OR4M1: variants seen among roughly 807,000 people sequenced by gnomAD.
OR4M1 encodes the protein olfactory receptor family 4 subfamily M member 1.
A neutral mutation model predicts 9.8 loss-of-function variants in OR4M1; 7 were observed. The ratio of observed to expected loss-of-function variants is 0.71; its 90% confidence interval spans 0.41 to 1.34. The LOEUF (loss-of-function observed/expected upper bound fraction) is 1.34, where lower values mean the gene tolerates loss of function less well. Among genes scored for constraint, OR4M1 ranks in the 40% most tolerant of loss-of-function variants. OR4M1 has a pLI of 0.01. For synonymous variants in OR4M1, 121 were observed against 139.8 expected (o/e 0.87, Z 0.95); for missense variants, 331 against 380.4 (o/e 0.87, Z 1.08).
intron 1 of OR4M1, among the ~76,000 whole-genome samples, chr14:19,776,843 CAA>C (rs1878322945): frequency 1.3e-5 from 2 of 151,938 alleles, no homozygotes; most frequent in African/African-American, 4.8e-5. Context: ...GATAGGAAAA[CAA>C]TATTTTTAAA....
In OR4M1 at chr14:19,782,644, C is replaced by A. The variant is rs979452367; in HGVS notation, c.*1380C>A. 4.6e-5 allele frequency: 7 copies of A among 152,210 alleles called. No individual in the cohort carries two copies. Among genetic ancestry groups the A allele is most frequent in the Admixed American group, 2.0e-4 (3 of 15,288 alleles). 9.4% of individuals were successfully genotyped at this position (152,210 alleles called of 1,614,324 possible). ...GGATGCACAGGATGGAATGGTGGTA[C>A]ACAAAGCTTGTTTTTTGCTTTGGGA... On this transcript the variant is annotated 3_prime_UTR_variant, in exon 2 of 2. Transcript: ENST00000641200.
intron 1 of OR4M1, among the ~76,000 whole-genome samples, chr14:19,774,962 G>T (rs1294828389): frequency 6.6e-6 from 1 of 152,082 alleles, no homozygotes; most frequent in Non-Finnish European, 1.5e-5. Flanking sequence ...TTGGCCAAGG[G>T]CACCCCAGAG....
intron 1 of OR4M1, among the ~76,000 whole-genome samples, chr14:19,777,176 GA>G (rs1296755169): frequency 1.3e-5 from 2 of 151,372 alleles, no homozygotes; most frequent in African/African-American, 4.8e-5. Context: ...CATATTGAAA[GA>G]AAATTGGAAA....
rs150864381 is a variant in OR4M1 at position 19,777,819 on chromosome 14, T to C, written c.-29-2475T>C. ...CATTTATGGTATTTTAGGTAATGGT[T>C]ATGTTAATGTAGGGAAACTAGGTGT... is the stretch of plus-strand genomic sequence containing the variant. On this transcript the variant is annotated intron_variant, in intron 1 of 1. Transcript: ENST00000641200. 6.0e-4 allele frequency among the ~76,000 whole-genome samples: 92 copies of C among 152,280 alleles called. No individual in the cohort carries two copies. In the East Asian group the frequency reaches 0.015, roughly 26 times the overall value.
In OR4M1 at chr14:19,782,864, T is replaced by A. The variant is rs1366150986; in HGVS notation, c.*1600T>A. On this transcript the variant is annotated 3_prime_UTR_variant, in exon 2 of 2. Transcript: ENST00000641200. ...AAATATAAAGTACAAAAGATATATA[T>A]ATATAATATGATAAAATGATGAGTT... is the stretch of plus-strand genomic sequence containing the variant. The A allele has an allele frequency of 1.3e-5, 2 of 152,034 alleles. No homozygotes were observed. The highest frequency in any genetic ancestry group is 4.8e-5 in the African/African-American group (2 of 41,450). The allele number at this position is 152,034 out of a possible 1,614,324, so 9.4% of individuals were successfully genotyped here. A position where few individuals can be genotyped will look rare whatever the true frequency, so the allele number is the denominator to read the frequency against.
At chr14:19,775,323 G>A (rs1300313027) in intron 1 of OR4M1, among the ~76,000 whole-genome samples, 4 of 152,120 alleles carry the variant, frequency 2.6e-5, no homozygotes, top group Non-Finnish European at 5.9e-5. Context: ...ACCTCACTCA[G>A]TATATATTCC....
chr14:19,780,959 G>A lies in OR4M1; in HGVS notation c.637G>A (p.Ala213Thr), dbSNP rs750602662. ...TCTGATCTCTGTGGTGTGTTTCATT[G>A]CTCTGTTAATGTCCTATGCCTTCCT... is the stretch of plus-strand genomic sequence containing the variant. ...SGLISVVCFIALLMSYAFLLA... is the reference protein window; with the variant it reads ...SGLISVVCFITLLMSYAFLLA... The change falls in exon 2 of 2, where the codon GCT (alanine) becomes ACT (threonine). Residue 213 changes from alanine to threonine, a missense_variant. Physicochemically the swap from Ala to Thr is moderately conservative, Grantham distance 58. Coordinates refer to ENST00000641200, the MANE Select transcript of OR4M1 (RefSeq NM_001005500.2). The A allele has an allele frequency of 6.2e-7, 1 of 1,614,204 alleles. No homozygotes were observed. Among genetic ancestry groups the A allele is most frequent in the South Asian group, 1.1e-5 (1 of 91,086 alleles).
At chr14:19,773,804 C>A (rs1462724168) in intron 1 of OR4M1, among the ~76,000 whole-genome samples, 1 of 152,200 alleles carries the variant, frequency 6.6e-6, no homozygotes, top group Non-Finnish European at 1.5e-5. Context: ...TTCTTCTCGG[C>A]CTTGATCTCA....
Position 19,780,302 on chromosome 14 carries a change from T to C in OR4M1, c.-21T>C. The C allele has an allele frequency of 1.3e-6, 2 of 1,584,560 alleles. No homozygotes were observed. The highest frequency in any genetic ancestry group is 1.7e-6 in the Non-Finnish European group (2 of 1,166,624). On this transcript the variant is annotated 5_prime_UTR_variant, in exon 2 of 2. It removes an upstream start codon present in the reference 5' UTR. Transcript: ENST00000641200. ...TTCTTTAATTTTCATAGTTATATTA[T>C]GAAAAGAGTAAATTGAAGAAATGGA...
chr14:19,779,077 T>C (rs867965310), intron 1 of OR4M1, among the ~76,000 whole-genome samples: 6 of 152,200 alleles, frequency 3.9e-5, no homozygotes, highest in Non-Finnish European at 7.3e-5. Flanking sequence ...ACAATGCTTC[T>C]ATAAGATACT....
At chr14:19,773,858 G>C (rs10144387) in intron 1 of OR4M1, among the ~76,000 whole-genome samples, 941 of 152,118 alleles carry the variant, frequency 6.2e-3, no homozygotes, top group African/African-American at 0.022. Flanking sequence ...GGGCATTGAA[G>C]AGACAGCTTG....
At chr14:19,777,313 C>T (rs908187600) in intron 1 of OR4M1, among the ~76,000 whole-genome samples, 17 of 151,818 alleles carry the variant, frequency 1.1e-4, no homozygotes, top group African/African-American at 4.1e-4. Flanking sequence ...AAGGCCTTTT[C>T]ATTTACTATT....
In OR4M1 at chr14:19,781,295, G is replaced by A. The variant is rs752310594; in HGVS notation, c.*31G>A. 14 of 1,524,414 alleles carry A rather than the reference G, an allele frequency of 9.2e-6. No homozygotes were observed. The East Asian group carries it at 2.3e-4, about 25-fold the overall frequency. The allele number at this position is 1,524,414 out of a possible 1,614,324, so 94.4% of individuals were successfully genotyped here. A position where few individuals can be genotyped will look rare whatever the true frequency, so the allele number is the denominator to read the frequency against. ...AAATTATACATTTTATAGTCCTCCT[G>A]AGGATCATTGTCCTAAAGCAGGAAG... On this transcript the variant is annotated 3_prime_UTR_variant, in exon 2 of 2. Coordinates refer to ENST00000641200, the MANE Select transcript of OR4M1 (RefSeq NM_001005500.2).
At position 19,783,079 on chromosome 14, in the gene OR4M1, G is replaced by A. The variant is rs1277708140; in HGVS notation, c.*1815G>A. On this transcript the variant is annotated 3_prime_UTR_variant, in exon 2 of 2. Coordinates refer to ENST00000641200, the MANE Select transcript of OR4M1 (RefSeq NM_001005500.2). ...AAGGATATTTACTGAAAATACTGAA[G>A]CTAGTAATACAAAGGAAAAAGGCAT... 6.6e-6 allele frequency: 1 copy of A among 152,236 alleles called. No homozygotes were observed. 9.4% of individuals were successfully genotyped at this position (152,236 alleles called of 1,614,324 possible).
In OR4M1 at chr14:19,781,405, C is replaced by T. The variant is rs1302192391; in HGVS notation, c.*141C>T. On this transcript the variant is annotated 3_prime_UTR_variant, in exon 2 of 2. Coordinates refer to ENST00000641200, the MANE Select transcript of OR4M1 (RefSeq NM_001005500.2). ...CTATAATTTTTCTCTATTAATTCCT[C>T]TTTATATTGAAAAAATAGAGGCATT... 1 of 814,374 alleles carries T rather than the reference C, an allele frequency of 1.2e-6. No homozygotes were observed. The highest frequency in any genetic ancestry group is 1.9e-6 in the Non-Finnish European group (1 of 538,410). The allele number at this position is 814,374 out of a possible 1,614,324, so 50.4% of individuals were successfully genotyped here.
intron 1 of OR4M1, among the ~76,000 whole-genome samples, chr14:19,777,788 T>C (rs1336186485): frequency 2.6e-5 from 4 of 152,326 alleles, no homozygotes; most frequent in Admixed American, 1.3e-4. Context: ...ATAGGAATTG[T>C]TGCATCATTT....
rs1248216133 is a variant in OR4M1, at chr14:19,782,760, G to A, written c.*1496G>A. 3.3e-5 allele frequency: 5 copies of A among 152,174 alleles called. No homozygotes were observed. Among genetic ancestry groups the A allele is most frequent in the African/African-American group, 1.2e-4 (5 of 41,432 alleles). The allele number at this position is 152,174 out of a possible 1,614,324, so 9.4% of individuals were successfully genotyped here. A position where few individuals can be genotyped will look rare whatever the true frequency, so the allele number is the denominator to read the frequency against. ...GGCATGGATTGATGTTATGAGTCCT[G>A]ATTTTTGAGTTGACTTCTCATCACC... On this transcript the variant is annotated 3_prime_UTR_variant, in exon 2 of 2. Transcript: ENST00000641200.
rs1878504173 is a variant in OR4M1, at chr14:19,781,686, A to C, written c.*422A>C. On this transcript the variant is annotated 3_prime_UTR_variant, in exon 2 of 2. Transcript: ENST00000641200. ...TTCAAGTTAGCAAATAAATATTGTC[A>C]AGTTTCAGTGTTGGCTCAGTGGAAT... 5.6e-6 allele frequency: 1 copy of C among 178,404 alleles called. No homozygotes were observed. The highest frequency in any genetic ancestry group is 2.4e-5 in the African/African-American group (1 of 41,810). 11.1% of individuals were successfully genotyped at this position (178,404 alleles called of 1,614,324 possible). A position where few individuals can be genotyped will look rare whatever the true frequency, so the allele number is the denominator to read the frequency against.
intron 1 of OR4M1, among the ~76,000 whole-genome samples, chr14:19,779,223 T>C (rs1318998148): frequency 2.2e-4 from 34 of 152,290 alleles, no homozygotes; most frequent in Non-Finnish European, 3.7e-4. Flanking sequence ...ATCTGTTTGG[T>C]TTTACAGAAC....
Sources: gnomAD v4.1 joint callset for allele counts (sites outside exome capture counted in the v4.1 genomes callset) on GRCh38, gnomAD v4.1.1 for gene constraint, MANE v1.5 for transcripts, NCBI Gene and HGNC (gene_info 2026-07-23, HGNC 2026-07-21) for gene names.